PLSCR4: variants seen among roughly 807,000 people sequenced by gnomAD.
PLSCR4 encodes the protein phospholipid scramblase 4.
PLSCR4 carries 25 observed loss-of-function variants against 36.3 expected under a neutral mutation model. That is an observed-to-expected ratio of 0.69 (90% CI 0.50 to 0.96). PLSCR4 has a LOEUF of 0.96. PLSCR4 is among the 40% of genes least tolerant of loss of function. The probability of loss-of-function intolerance (pLI) is 0.00; values close to 1 mark genes in which losing one functional copy is unlikely to be tolerated. For synonymous variants in PLSCR4, 122 were observed against 132.9 expected (o/e 0.92, Z 0.56); for missense variants, 408 against 414.7 (o/e 0.98, Z 0.14).
intron 4 of PLSCR4, 134 bp from the exon 5 acceptor site, chr3:146,201,211 A>C: frequency 1.8e-6 from 1 of 561,146 alleles, no homozygotes; most frequent in Non-Finnish European, 3.0e-6. Flanking sequence ...CAATAGAATC[A>C]AAAAAATTTT....
At chr3:146,204,928 T>C (rs1378635635) in intron 4 of PLSCR4, among the ~76,000 whole-genome samples, 1 of 152,086 alleles carries the variant, frequency 6.6e-6, no homozygotes, top group Non-Finnish European at 1.5e-5. Context: ...AATAATAATT[T>C]AGGATAAATT....
intron 1 of PLSCR4, among the ~76,000 whole-genome samples, chr3:146,231,771 G>A (rs559505057): frequency 2.6e-5 from 4 of 152,240 alleles, no homozygotes; most frequent in East Asian, 3.9e-4. Flanking sequence ...TTTGTCAGAT[G>A]TGCAGTTTGT....
chr3:146,225,242 A>G (rs184589000), intron 1 of PLSCR4, among the ~76,000 whole-genome samples: 1 of 152,178 alleles, frequency 6.6e-6, no homozygotes, highest in Non-Finnish European at 1.5e-5. Flanking sequence ...CTAGTTACAG[A>G]GTGTCCATTG....
At chr3:146,231,883 G>A in intron 1 of PLSCR4, among the ~76,000 whole-genome samples, 1 of 152,046 alleles carries the variant, frequency 6.6e-6, no homozygotes, top group Non-Finnish European at 1.5e-5. Context: ...GTCTATTTTT[G>A]TTTTAGTTGC....
chr3:146,223,278 G>A (rs1010466454), intron 1 of PLSCR4, among the ~76,000 whole-genome samples: 9 of 152,096 alleles, frequency 5.9e-5, no homozygotes, highest in African/African-American at 2.2e-4. Flanking sequence ...TATTTGAGAA[G>A]GGAATTTCAA....
At chr3:146,208,222 G>C (rs2034437681) in intron 3 of PLSCR4, among the ~76,000 whole-genome samples, 1 of 152,102 alleles carries the variant, frequency 6.6e-6, no homozygotes, top group Admixed American at 6.6e-5. Flanking sequence ...TAATTGGCTA[G>C]CCACATGTAT....
chr3:146,241,788 C>CA (rs1216869593), intron 1 of PLSCR4, among the ~76,000 whole-genome samples: 4 of 152,084 alleles, frequency 2.6e-5, no homozygotes, highest in Admixed American at 1.3e-4. Flanking sequence ...TAAAATATTA[C>CA]AAAAAAATTA....
intron 1 of PLSCR4, 34 bp from the exon 2 acceptor site, chr3:146,222,126 A>G (rs2035182654): frequency 1.2e-6 from 1 of 838,116 alleles, no homozygotes; most frequent in South Asian, 2.2e-5. Flanking sequence ...CCTTTAAAAT[A>G]CATACATAAT....
At chr3:146,232,057 TAC>T (rs1269661544) in intron 1 of PLSCR4, among the ~76,000 whole-genome samples, 1 of 152,226 alleles carries the variant, frequency 6.6e-6, no homozygotes, top group Non-Finnish European at 1.5e-5. Context: ...GGTGTACAGT[TAC>T]AGTCTTCTGC....
Position 146,242,785 on chromosome 3 carries a change from G to A in PLSCR4, c.-22+8175C>T, listed in dbSNP as rs116150229. 2.4e-3 allele frequency among the ~76,000 whole-genome samples: 365 copies of A among 152,206 alleles called. 3 individuals carry two copies. The highest frequency in any genetic ancestry group is 8.6e-3 in the African/African-American group (357 of 41,516). On this transcript the variant is annotated intron_variant, in intron 1 of 8. Coordinates refer to ENST00000354952, the MANE Select transcript of PLSCR4 (RefSeq NM_020353.3). Reference sequence around the variant, plus strand: ...TGGCTACAGTGGGAAAATTCCTTACGAAAGGCAAACAGGTTTATGTCTTTA... The same window carrying A: ...TGGCTACAGTGGGAAAATTCCTTACAAAAGGCAAACAGGTTTATGTCTTTA...
intron 1 of PLSCR4, among the ~76,000 whole-genome samples, chr3:146,227,342 C>T (rs2035520244): frequency 6.6e-6 from 1 of 152,120 alleles, no homozygotes; most frequent in Non-Finnish European, 1.5e-5. Context: ...GAGACATGGG[C>T]TAGACAGGAC....
intron 1 of PLSCR4, among the ~76,000 whole-genome samples, chr3:146,244,158 A>G (rs2036258364): frequency 6.6e-6 from 1 of 152,214 alleles, no homozygotes; most frequent in South Asian, 2.1e-4. Context: ...CAGATTGTCC[A>G]CATGGGTGAT....
intron 1 of PLSCR4, among the ~76,000 whole-genome samples, chr3:146,240,414 C>T (rs72992924): frequency 0.055 from 8,368 of 152,124 alleles, 565 homozygotes; most frequent in African/African-American, 0.16. Context: ...GTTAGAAACC[C>T]GGGTAACATC....
At chr3:146,203,563 T>C (rs1375142172) in intron 4 of PLSCR4, among the ~76,000 whole-genome samples, 3 of 152,040 alleles carry the variant, frequency 2.0e-5, no homozygotes, top group African/African-American at 7.2e-5. Context: ...TCTGAAAAAC[T>C]TACTGCAGCT....
At chr3:146,215,905 T>C (rs1253122776) in intron 3 of PLSCR4, among the ~76,000 whole-genome samples, 2 of 152,192 alleles carry the variant, frequency 1.3e-5, no homozygotes, top group African/African-American at 4.8e-5. Flanking sequence ...CACATAGCTT[T>C]GTAGGGAAGG....
At chr3:146,200,958 A>G (rs1224522444) in intron 5 of PLSCR4, 77 bp downstream of exon 5, 2 of 903,446 alleles carry the variant, frequency 2.2e-6, no homozygotes, top group African/African-American at 3.5e-5. Flanking sequence ...ATCAATATAA[A>G]GAAGGAACTA....
chr3:146,242,444 G>A (rs568599555), intron 1 of PLSCR4, among the ~76,000 whole-genome samples: 72 of 152,088 alleles, frequency 4.7e-4, no homozygotes, highest in African/African-American at 1.7e-3. Flanking sequence ...TGAGATTTTT[G>A]AATCTAAGCT....
At chr3:146,220,046 C>T (rs2035068655) in intron 3 of PLSCR4, among the ~76,000 whole-genome samples, 1 of 152,090 alleles carries the variant, frequency 6.6e-6, no homozygotes, top group African/African-American at 2.4e-5. Context: ...TAAATATACG[C>T]TTAAATATGT....
chr3:146,203,530 T>C (rs1339741698), intron 4 of PLSCR4, among the ~76,000 whole-genome samples: 2 of 152,064 alleles, frequency 1.3e-5, no homozygotes, highest in Admixed American at 6.6e-5. Context: ...CCTTCATCAA[T>C]GATCTTGTTA....
Sources: allele counts gnomAD v4.1 joint callset (sites outside exome capture counted in the v4.1 genomes callset), GRCh38; gene constraint gnomAD v4.1.1; transcripts MANE v1.5; gene names NCBI Gene and HGNC (gene_info 2026-07-23, HGNC 2026-07-21).